GRIA1: variants seen among roughly 807,000 people sequenced by gnomAD.
GRIA1 encodes the protein glutamate receptor 1.
Under a neutral mutation model 99.2 loss-of-function variants are expected in GRIA1, and 31 were observed. That is an observed-to-expected ratio of 0.31 (90% confidence interval 0.23 to 0.42). The LOEUF (loss-of-function observed/expected upper bound fraction) is 0.42, where lower values mean the gene tolerates loss of function less well. Ranked by LOEUF, GRIA1 falls within the 10% of genes least tolerant of loss-of-function variation. The pLI, the probability that GRIA1 is intolerant of heterozygous loss-of-function variation, is 1.00. For missense variants in GRIA1, 782 were observed against 1,157.5 expected, an observed-to-expected ratio of 0.68 and a Z score of 4.71; for synonymous variants, 438 against 432.4, an observed-to-expected ratio of 1.01 and a Z score of -0.16.
chr5:153,798,313 C>T (rs1198971916), intron 14 of GRIA1, among the ~76,000 whole-genome samples: 1 of 152,126 alleles, frequency 6.6e-6, no homozygotes, highest in Admixed American at 6.5e-5. Context: ...GGTCCTTAAG[C>T]CAAAAATACA....
intron 2 of GRIA1, among the ~76,000 whole-genome samples, chr5:153,573,006 C>A (rs1762252622): frequency 1.3e-5 from 2 of 152,118 alleles, no homozygotes; most frequent in African/African-American, 4.8e-5. Context: ...AACAAATAAG[C>A]ATCAGCAGGA....
chr5:153,684,975 G>A (rs1008259094), intron 7 of GRIA1, among the ~76,000 whole-genome samples: 7 of 152,028 alleles, frequency 4.6e-5, no homozygotes, highest in East Asian at 3.9e-4. Context: ...ACACACACAC[G>A]CATTCTCTCT....
intron 11 of GRIA1, among the ~76,000 whole-genome samples, chr5:153,710,720 T>A (rs1208944229): frequency 2.0e-5 from 3 of 152,164 alleles, no homozygotes; most frequent in African/African-American, 7.2e-5. Context: ...TGGTTCTAAG[T>A]GCTGAGGATA....
intron 2 of GRIA1, among the ~76,000 whole-genome samples, chr5:153,610,578 G>A (rs1765891555): frequency 6.6e-6 from 1 of 152,174 alleles, no homozygotes; most frequent in South Asian, 2.1e-4. Context: ...TGCCTTTAGG[G>A]CTTCCCCTAA....
intron 11 of GRIA1, among the ~76,000 whole-genome samples, chr5:153,760,303 C>T (rs2149602508): frequency 6.6e-6 from 1 of 152,062 alleles, no homozygotes; most frequent in African/African-American, 2.4e-5. Flanking sequence ...ACCCTAGAAA[C>T]CCTCCAAAAA....
At chr5:153,605,357 T>A (rs1470228619) in intron 2 of GRIA1, among the ~76,000 whole-genome samples, 3 of 152,238 alleles carry the variant, frequency 2.0e-5, no homozygotes, top group African/African-American at 7.2e-5. Context: ...TTCATTCCTG[T>A]ATAGGATTCT....
intron 2 of GRIA1, among the ~76,000 whole-genome samples, chr5:153,514,292 A>G (rs1033089910): frequency 6.6e-6 from 1 of 152,192 alleles, no homozygotes; most frequent in Non-Finnish European, 1.5e-5. Context: ...TTTTTCCCCT[A>G]TGTTTTTCTC....
At chr5:153,511,743 G>T (rs948477418) in intron 2 of GRIA1, among the ~76,000 whole-genome samples, 1 of 152,216 alleles carries the variant, frequency 6.6e-6, no homozygotes, top group Non-Finnish European at 1.5e-5. Context: ...GTCACCCAAG[G>T]CCTCCTACTC....
chr5:153,745,383 T>C (rs1350781784), intron 11 of GRIA1, among the ~76,000 whole-genome samples: 1 of 148,428 alleles, frequency 6.7e-6, no homozygotes, highest in Non-Finnish European at 1.5e-5. Context: ...AGGTCAGGAG[T>C]TTGAGACCAG....
intron 4 of GRIA1, 92 bp from the exon 5 acceptor site, chr5:153,655,726 TA>T: frequency 9.7e-7 from 1 of 1,027,132 alleles, no homozygotes; most frequent in Non-Finnish European, 1.5e-6. Flanking sequence ...GGGCACATTG[TA>T]AGCACTCGAT....
chr5:153,574,355 G>A (rs973946992), intron 2 of GRIA1: 1 of 152,126 alleles, frequency 6.6e-6, no homozygotes. Flanking sequence ...GAAGTGTTCA[G>A]TGGCTGGTAA....
At chr5:153,738,510 A>G (rs1357996027) in intron 11 of GRIA1, among the ~76,000 whole-genome samples, 1 of 152,128 alleles carries the variant, frequency 6.6e-6, no homozygotes, top group Non-Finnish European at 1.5e-5. Flanking sequence ...AATTCCTGGA[A>G]CAAAATAGTC....
In GRIA1 at chr5:153,734,744, C is replaced by T. The variant is rs190910407; in HGVS notation, c.1823+28677C>T. On this transcript the variant is annotated intron_variant, in intron 11 of 15. Transcript: ENST00000285900. ...AGGGAAGGCTTTCTGGAGGAAGTTGCATTTAACCTAGGACTAGAAGGATGA... is the reference window on the plus strand; with the variant it reads ...AGGGAAGGCTTTCTGGAGGAAGTTGTATTTAACCTAGGACTAGAAGGATGA... 1.4e-4 allele frequency among the ~76,000 whole-genome samples: 21 copies of T among 152,220 alleles called. No individual in the cohort carries two copies. In the East Asian group the frequency reaches 4.1e-3, roughly 29 times the overall value.
At chr5:153,525,510 A>G (rs1757511138) in intron 2 of GRIA1, 1 of 152,026 alleles carries the variant, frequency 6.6e-6, no homozygotes, top group Non-Finnish European at 1.5e-5. Context: ...AAAATAAAAA[A>G]GAGTATAAAA....
chr5:153,708,091 T>C (rs922836878), intron 11 of GRIA1, among the ~76,000 whole-genome samples: 2 of 152,178 alleles, frequency 1.3e-5, no homozygotes, highest in Non-Finnish European at 2.9e-5. Flanking sequence ...CACAGAACCT[T>C]TATGCTGTGA....
At chr5:153,762,602 A>G (rs1179812149) in intron 11 of GRIA1, among the ~76,000 whole-genome samples, 1 of 152,160 alleles carries the variant, frequency 6.6e-6, no homozygotes, top group African/African-American at 2.4e-5. Context: ...TAAATCACAC[A>G]ATCTCATAAA....
At chr5:153,784,695 T>A (rs1042214251) in intron 13 of GRIA1, among the ~76,000 whole-genome samples, 1 of 152,168 alleles carries the variant, frequency 6.6e-6, no homozygotes, top group African/African-American at 2.4e-5. Context: ...CCTCTCCCAG[T>A]TCACTCATCA....
upstream of GRIA1, chr5:153,489,831 G>T (rs1452267962): frequency 4.4e-6 from 2 of 456,622 alleles, no homozygotes; most frequent in Non-Finnish European, 8.8e-6. Context: ...TCATGTAATT[G>T]CTCTGTGTAA....
chr5:153,788,729 G>A (rs1765125319), intron 13 of GRIA1, among the ~76,000 whole-genome samples: 1 of 152,164 alleles, frequency 6.6e-6, no homozygotes, highest in South Asian at 2.1e-4. Context: ...TTTGTCTTAT[G>A]CATTAGTACA....
Sources: gnomAD v4.1 joint callset for allele counts (sites outside exome capture counted in the v4.1 genomes callset) on GRCh38, gnomAD v4.1.1 for gene constraint, MANE v1.5 for transcripts, NCBI Gene and HGNC (gene_info 2026-07-23, HGNC 2026-07-21) for gene names.